SZRD1: variants seen among roughly 807,000 people sequenced by gnomAD.
SZRD1 encodes SUZ RNA-binding domain-containing.
A neutral mutation model predicts 17.6 loss-of-function variants in SZRD1; 7 were observed. The ratio of observed to expected loss-of-function variants is 0.40; its 90% CI spans 0.23 to 0.75. The LOEUF (loss-of-function observed/expected upper bound fraction) is 0.75, where lower values mean the gene tolerates loss of function less well. Among genes scored for constraint, SZRD1 ranks in the 30% least tolerant of loss-of-function variants. The pLI is 0.38. For synonymous variants in SZRD1, 77 were observed against 77.9 expected (o/e 0.99, Z 0.06); for missense variants, 178 against 201.8 (o/e 0.88, Z 0.71).
At chr1:16,369,887 CA>C (rs565655605) in intron 1 of SZRD1, among the ~76,000 whole-genome samples, 29 of 124,742 alleles carry the variant, frequency 2.3e-4, no homozygotes, top group East Asian at 2.0e-3. Flanking sequence ...GAAACTCCAT[CA>C]AAAAAAAAAA....
In SZRD1 at chr1:16,387,331, C is replaced by A. The variant is rs973285391; in HGVS notation, c.52-4044C>A. 3.9e-5 allele frequency: 18 copies of A among 456,328 alleles called. No individual in the cohort carries two copies. In the Admixed American group the frequency reaches 4.2e-4, roughly 11 times the overall value. 28.3% of individuals were successfully genotyped at this position (456,328 alleles called of 1,614,324 possible). A position where few individuals can be genotyped will look rare whatever the true frequency, so the allele number is the denominator to read the frequency against. ...AGGAAGAAGGAAGCAGTTTGCTTTCCTCAGAGGAGACCTGGATGGGACTTC... is the reference window on the plus strand; with the variant it reads ...AGGAAGAAGGAAGCAGTTTGCTTTCATCAGAGGAGACCTGGATGGGACTTC... On this transcript the variant is annotated intron_variant, in intron 1 of 3. Coordinates refer to ENST00000401088, the MANE Select transcript of SZRD1 (RefSeq NM_001114600.3).
At chr1:16,368,040 T>A (rs1322927622) in intron 1 of SZRD1, 1 of 152,200 alleles carries the variant, frequency 6.6e-6, no homozygotes, top group Non-Finnish European at 1.5e-5. Flanking sequence ...ACAGCCACAT[T>A]CTTGGGAGAG....
intron 1 of SZRD1, among the ~76,000 whole-genome samples, chr1:16,377,399 A>G (rs1460191737): frequency 1.3e-5 from 2 of 152,124 alleles, no homozygotes; most frequent in East Asian, 3.9e-4. Context: ...TCTGGCCAAC[A>G]TGGTGAAACC....
chr1:16,377,562 C>CA (rs34066824), intron 1 of SZRD1, among the ~76,000 whole-genome samples: 1,966 of 61,564 alleles, frequency 0.032, 38 homozygotes, highest in Middle Eastern at 0.083. Context: ...GACTCTGTCT[C>CA]AAAAAAAAAA....
chr1:16,389,963 G>A (rs1191133338), intron 1 of SZRD1, among the ~76,000 whole-genome samples: 1 of 152,198 alleles, frequency 6.6e-6, no homozygotes, highest in Non-Finnish European at 1.5e-5. Context: ...TTTGTGTGGG[G>A]CTGTCCTGTA....
intron 1 of SZRD1, chr1:16,369,605 G>A: frequency 3.3e-6 from 2 of 600,534 alleles, no homozygotes; most frequent in Middle Eastern, 4.5e-4. Context: ...AAAATGTACC[G>A]CGGCCAGGTG....
intron 1 of SZRD1, among the ~76,000 whole-genome samples, chr1:16,383,893 C>G (rs983504003): frequency 2.6e-5 from 4 of 152,236 alleles, no homozygotes; most frequent in Non-Finnish European, 5.9e-5. Flanking sequence ...GCTGGGATTA[C>G]AGGCGTGAGC....
At chr1:16,381,643 CGTT>C (rs1403866223) in intron 1 of SZRD1, among the ~76,000 whole-genome samples, 5 of 151,772 alleles carry the variant, frequency 3.3e-5, no homozygotes, top group Non-Finnish European at 7.4e-5. Flanking sequence ...CTTAGAAGCT[CGTT>C]GAAGGCCGAG....
intron 1 of SZRD1, chr1:16,387,336 A>T (rs1557629057): frequency 2.2e-6 from 1 of 456,316 alleles, no homozygotes; most frequent in Non-Finnish European, 4.4e-6. Context: ...CTTTCCTCAG[A>T]GGAGACCTGG....
chr1:16,394,497 G>A (rs1274510875), intron 3 of SZRD1, among the ~76,000 whole-genome samples: 1 of 152,182 alleles, frequency 6.6e-6, no homozygotes, highest in Admixed American at 6.6e-5. Context: ...AGTGCATGAT[G>A]GCAGCTGAGC....
chr1:16,375,092 G>A (rs1476809241), intron 1 of SZRD1, among the ~76,000 whole-genome samples: 2 of 151,988 alleles, frequency 1.3e-5, no homozygotes, highest in African/African-American at 2.4e-5. Flanking sequence ...TGGCTAGGCC[G>A]GTCTCAAACT....
chr1:16,391,275 T>C lies in SZRD1; in HGVS notation c.52-100T>C. On this transcript the variant is annotated intron_variant, in intron 1 of 3. Coordinates refer to ENST00000401088, the MANE Select transcript of SZRD1 (RefSeq NM_001114600.3). The surrounding 1 kb of genome is among the most constrained non-coding windows in gnomAD (Gnocchi z 4.3). ...ATGTTGAAGGACACAGTCATGTCCCTGGCTAGAGAAAGGACACTGCCCTTA... is the reference window on the plus strand; with the variant it reads ...ATGTTGAAGGACACAGTCATGTCCCCGGCTAGAGAAAGGACACTGCCCTTA... 1.1e-6 allele frequency: 1 copy of C among 874,502 alleles called. No individual in the cohort carries two copies. Among genetic ancestry groups the C allele is most frequent in the South Asian group, 1.6e-5 (1 of 62,468 alleles). 54.2% of individuals were successfully genotyped at this position (874,502 alleles called of 1,614,324 possible).
chr1:16,371,518 G>T (rs2082913962), intron 1 of SZRD1, among the ~76,000 whole-genome samples: 1 of 147,714 alleles, frequency 6.8e-6, no homozygotes, highest in East Asian at 2.0e-4. Flanking sequence ...CTGGAGTGCA[G>T]TGGCGCAATC....
chr1:16,383,256 T>A (rs2100726499), intron 1 of SZRD1, among the ~76,000 whole-genome samples: 1 of 151,844 alleles, frequency 6.6e-6, no homozygotes, highest in South Asian at 2.1e-4. Context: ...CCCCACTCTG[T>A]CATGCACCTG....
chr1:16,369,217 C>T, intron 1 of SZRD1: 1 of 505,708 alleles, frequency 2.0e-6, no homozygotes, highest in Non-Finnish European at 3.5e-6. Flanking sequence ...GCTATCTTTG[C>T]TGTTAGTAAC....
chr1:16,378,547 C>G (rs1002947992), intron 1 of SZRD1, among the ~76,000 whole-genome samples: 1 of 152,046 alleles, frequency 6.6e-6, no homozygotes, highest in Non-Finnish European at 1.5e-5. Flanking sequence ...ATCGGCCTCG[C>G]AAAGTGTTGG....
chr1:16,396,445 C>T lies in SZRD1; in HGVS notation c.*1305C>T, dbSNP rs1199413624. The T allele has an allele frequency of 1.3e-5, 2 of 152,168 alleles. No homozygotes were observed. Among genetic ancestry groups the T allele is most frequent in the Admixed American group, 6.5e-5 (1 of 15,280 alleles). 9.4% of individuals were successfully genotyped at this position (152,168 alleles called of 1,614,324 possible). A position where few individuals can be genotyped will look rare whatever the true frequency, so the allele number is the denominator to read the frequency against. On this transcript the variant is annotated 3_prime_UTR_variant, in exon 4 of 4. Coordinates refer to ENST00000401088, the MANE Select transcript of SZRD1 (RefSeq NM_001114600.3). ...CTACCCGTCACCCCTTTTTCCAGAG[C>T]GAGGGCCTGGAATGAAGGCAGTTTA...
chr1:16,368,677 T>C lies in SZRD1; in HGVS notation c.51+1369T>C, dbSNP rs113434388. On this transcript the variant is annotated intron_variant, in intron 1 of 3. Transcript: ENST00000401088. ...AACCAGCATTTTTGAGTGTCTGCTA[T>C]ATGCTAGGCAGTGTGCTTATCAGTG... Among the ~76,000 whole-genome samples the C allele has an allele frequency of 5.2e-3, 785 of 152,322 alleles. 9 individuals are homozygous for C. Among genetic ancestry groups the C allele is most frequent in the African/African-American group, 0.018 (749 of 41,568 alleles).
chr1:16,367,401 G>A, intron 1 of SZRD1, 93 bp downstream of exon 1: 5 of 1,273,264 alleles, frequency 3.9e-6, no homozygotes, highest in Non-Finnish European at 5.4e-6. Context: ...TTCTCCCCAA[G>A]GAAGGGCCCC....
Sources: gnomAD v4.1 joint callset for allele counts (sites outside exome capture counted in the v4.1 genomes callset) on GRCh38, gnomAD v4.1.1 for gene constraint, Gnocchi (gnomAD v3.1) non-coding constraint, MANE v1.5 for transcripts, NCBI Gene and HGNC (gene_info 2026-07-23, HGNC 2026-07-21) for gene names.